PDZD2: variants seen among roughly 807,000 people sequenced by gnomAD.
The protein encoded by PDZD2 is PDZ domain-containing protein 2.
PDZD2 carries 90 observed loss-of-function variants against 220.7 expected under a neutral mutation model. The ratio of observed to expected loss-of-function variants is 0.41; its 90% CI spans 0.34 to 0.49. PDZD2 has a LOEUF of 0.49. PDZD2 is among the 20% of genes least tolerant of loss of function. The pLI, the probability that PDZD2 is intolerant of heterozygous loss-of-function variation, is 0.28. For synonymous variants in PDZD2, 1,375 were observed against 1,450.5 expected (o/e 0.95, Z 1.18); for missense variants, 3,174 against 3,608.5 (o/e 0.88, Z 3.08).
At chr5:31,888,495 T>C (rs976911562) in intron 2 of PDZD2, among the ~76,000 whole-genome samples, 1 of 152,090 alleles carries the variant, frequency 6.6e-6, no homozygotes, top group African/African-American at 2.4e-5. Context: ...CCCGGCCCCA[T>C]TGAAGGTTTT....
chr5:31,882,937 C>T (rs1252202938), intron 2 of PDZD2, among the ~76,000 whole-genome samples: 3 of 141,102 alleles, frequency 2.1e-5, no homozygotes, highest in Admixed American at 1.6e-4. Flanking sequence ...GGCTGAGGCA[C>T]GAGAATCGCT....
chr5:31,745,009 C>T (rs915531815), intron 1 of PDZD2, among the ~76,000 whole-genome samples: 6 of 151,982 alleles, frequency 3.9e-5, no homozygotes, highest in African/African-American at 1.4e-4. Flanking sequence ...GGAGGCGGAG[C>T]TTGCAGTGAG....
At chr5:32,005,522 A>AC (rs1281312614) in intron 5 of PDZD2, among the ~76,000 whole-genome samples, 3 of 129,454 alleles carry the variant, frequency 2.3e-5, no homozygotes, top group Middle Eastern at 3.5e-3. Context: ...AATGTAGACA[A>AC]CCCAAAAAAA....
chr5:31,869,436 G>A (rs535896791), intron 2 of PDZD2, among the ~76,000 whole-genome samples: 21 of 152,198 alleles, frequency 1.4e-4, no homozygotes, highest in South Asian at 4.2e-4. Flanking sequence ...GGTGGCGGGC[G>A]CCTGTAGTCC....
At chr5:31,758,087 C>T (rs966888704) in intron 1 of PDZD2, among the ~76,000 whole-genome samples, 7 of 152,246 alleles carry the variant, frequency 4.6e-5, no homozygotes, top group Non-Finnish European at 5.9e-5. Flanking sequence ...GCCTGACAGG[C>T]GCTGGCAGCT....
intron 7 of PDZD2, among the ~76,000 whole-genome samples, chr5:32,045,032 C>G (rs116039979): frequency 6.3e-4 from 96 of 152,334 alleles, no homozygotes; most frequent in African/African-American, 2.3e-3. Context: ...ATGAATCACT[C>G]TGGTATCCAC....
intron 18 of PDZD2, among the ~76,000 whole-genome samples, chr5:32,076,364 A>G (rs945305940): frequency 2.6e-5 from 4 of 151,700 alleles, no homozygotes; most frequent in Non-Finnish European, 4.4e-5. Flanking sequence ...TTTATTCATA[A>G]TAATTTATAT....
intron 1 of PDZD2, among the ~76,000 whole-genome samples, chr5:31,654,494 G>C (rs1303059146): frequency 1.3e-5 from 2 of 151,936 alleles, no homozygotes; most frequent in Non-Finnish European, 2.9e-5. Flanking sequence ...TTATCCGTAA[G>C]CCGAGAACTC....
chr5:31,799,621 A>G lies in PDZD2; in HGVS notation c.373A>G (p.Arg125Gly). Reference protein sequence around the residue: ...DVGCIWVTELRKNSPAGKSGK... With the variant: ...DVGCIWVTELGKNSPAGKSGK... ...GGGCTGCATCTGGGTGACAGAGCTG[A>G]GGAAGAACAGCCCAGCAGGGAAGAG... Residue 125 changes from arginine to glycine, a missense_variant, in exon 2 of 25, where the codon AGG becomes GGG. By Grantham distance (125) the Arg-to-Gly change is moderately radical. This residue lies in a region of PDZD2 where 632 missense variants were observed against 708.1 expected (regional missense o/e 0.89). Transcript: ENST00000438447. The G allele has an allele frequency of 1.2e-6, 2 of 1,614,084 alleles. No homozygotes were observed. Among genetic ancestry groups the G allele is most frequent in the Non-Finnish European group, 1.7e-6 (2 of 1,179,980 alleles).
chr5:32,027,729 T>C (rs535680961), intron 6 of PDZD2, among the ~76,000 whole-genome samples: 1 of 152,382 alleles, frequency 6.6e-6, no homozygotes, highest in East Asian at 1.9e-4. Context: ...TTTTAATTTC[T>C]ACACGTAACT....
At chr5:31,979,580 A>G (rs1581204407) in intron 2 of PDZD2, among the ~76,000 whole-genome samples, 2 of 4,266 alleles carry the variant, frequency 4.7e-4, no homozygotes, top group Admixed American at 3.6e-3. Context: ...ACTCTGTCTC[A>G]AAAAAAAAAA....
intron 1 of PDZD2, among the ~76,000 whole-genome samples, chr5:31,770,985 G>T (rs1216779266): frequency 6.6e-6 from 1 of 152,134 alleles, no homozygotes; most frequent in Non-Finnish European, 1.5e-5. Flanking sequence ...AGCATGTATG[G>T]TTGAATCATT....
intron 1 of PDZD2, among the ~76,000 whole-genome samples, chr5:31,750,295 C>T (rs954416959): frequency 6.6e-6 from 1 of 152,224 alleles, no homozygotes; most frequent in African/African-American, 2.4e-5. Context: ...CCAGCTCCCT[C>T]TTGCCTGCTT....
intron 2 of PDZD2, among the ~76,000 whole-genome samples, chr5:31,949,630 T>G (rs1375243557): frequency 6.6e-6 from 1 of 151,668 alleles, no homozygotes; most frequent in Non-Finnish European, 1.5e-5. Context: ...CCTTAGTCTC[T>G]TCAGCTGCTC....
At chr5:31,700,605 A>G (rs1039072570) in intron 1 of PDZD2, among the ~76,000 whole-genome samples, 2 of 152,230 alleles carry the variant, frequency 1.3e-5, no homozygotes, top group Admixed American at 6.5e-5. Flanking sequence ...TGTGAAAGAA[A>G]GTCTTATAGC....
intron 18 of PDZD2, 46 bp downstream of exon 18, chr5:32,074,689 T>C (rs761572313): frequency 2.3e-6 from 3 of 1,276,684 alleles, no homozygotes; most frequent in East Asian, 2.4e-5. Context: ...TGCATGAATA[T>C]GTGTGAGTGA....
At chr5:31,982,176 C>G (rs956518213) in intron 2 of PDZD2, among the ~76,000 whole-genome samples, 1 of 152,210 alleles carries the variant, frequency 6.6e-6, no homozygotes, top group Non-Finnish European at 1.5e-5. Flanking sequence ...AATGTGATGT[C>G]CAGACTGGAA....
At chr5:31,865,371 G>A (rs888729781) in intron 2 of PDZD2, among the ~76,000 whole-genome samples, 4 of 151,916 alleles carry the variant, frequency 2.6e-5, no homozygotes, top group African/African-American at 9.7e-5. Flanking sequence ...GGTGTGCAGT[G>A]GCGCCATCAC....
At chr5:31,946,847 C>T in intron 2 of PDZD2, among the ~76,000 whole-genome samples, 1 of 152,206 alleles carries the variant, frequency 6.6e-6, no homozygotes, top group East Asian at 1.9e-4. Context: ...AGTACAGATA[C>T]ACACCACCAC....
Sources: allele counts gnomAD v4.1 joint callset (sites outside exome capture counted in the v4.1 genomes callset), GRCh38; gene constraint gnomAD v4.1.1; regional missense constraint gnomAD v4.1.1; transcripts MANE v1.5; gene names NCBI Gene and HGNC (gene_info 2026-07-23, HGNC 2026-07-21).